XIRP2: variants seen among roughly 807,000 people sequenced by gnomAD.
XIRP2 encodes xin actin-binding repeat-containing protein 2.
In XIRP2, 236 loss-of-function variants were observed where a neutral mutation model predicts 277.0. That is an observed-to-expected ratio of 0.85 (90% CI 0.77 to 0.95). The LOEUF (loss-of-function observed/expected upper bound fraction) is 0.95. Among genes scored for constraint, XIRP2 ranks in the 40% least tolerant of loss-of-function variants. The pLI is 0.00. For missense variants in XIRP2, 4,640 were observed against 4,157.5 expected, an observed-to-expected ratio of 1.12 and a Z score of -3.19; for synonymous variants, 1,490 against 1,416.5, an observed-to-expected ratio of 1.05 and a Z score of -1.17.
intron 3 of XIRP2, among the ~76,000 whole-genome samples, chr2:167,155,297 G>A (rs575715303): frequency 2.4e-4 from 37 of 151,810 alleles, no homozygotes; most frequent in African/African-American, 8.0e-4. Flanking sequence ...CAACCAAAAA[G>A]GAGAATTTTA....
chr2:167,226,909 G>T (rs1156472360), intron 5 of XIRP2, among the ~76,000 whole-genome samples: 1 of 152,144 alleles, frequency 6.6e-6, no homozygotes. Flanking sequence ...GAATCCCAGT[G>T]GGAACTCTGA....
intron 2 of XIRP2, among the ~76,000 whole-genome samples, chr2:167,054,552 T>C (rs1558963135): frequency 6.6e-6 from 1 of 152,022 alleles, no homozygotes; most frequent in Non-Finnish European, 1.5e-5. Flanking sequence ...GGCGTGTTGG[T>C]GTACCCCTGT....
intron 2 of XIRP2, among the ~76,000 whole-genome samples, chr2:167,125,653 A>G (rs2105308404): frequency 6.6e-6 from 1 of 152,340 alleles, no homozygotes; most frequent in African/African-American, 2.4e-5. Flanking sequence ...TTTAAGGACT[A>G]CATTTCCTCA....
At chr2:167,221,369 A>G (rs1193575761) in intron 5 of XIRP2, among the ~76,000 whole-genome samples, 1 of 150,242 alleles carries the variant, frequency 6.7e-6, no homozygotes, top group Non-Finnish European at 1.5e-5. Context: ...AGGCTGAGGC[A>G]GAATAGCTTG....
At chr2:166,914,823 C>G (rs1684818375) in intron 2 of XIRP2, among the ~76,000 whole-genome samples, 1 of 152,018 alleles carries the variant, frequency 6.6e-6, no homozygotes, top group South Asian at 2.1e-4. Flanking sequence ...AAAGTCAGGT[C>G]TTTGATTTTT....
At chr2:167,188,600 G>A (rs1370290346) in intron 3 of XIRP2, among the ~76,000 whole-genome samples, 1 of 152,190 alleles carries the variant, frequency 6.6e-6, no homozygotes, top group African/African-American at 2.4e-5. Flanking sequence ...AAATTATTGA[G>A]TGGCAAAACT....
Position 167,250,980 on chromosome 2 carries a change from C to A in XIRP2, c.9588C>A (p.Ala3196=). 6.2e-7 allele frequency: 1 copy of A among 1,613,686 alleles called. No individual in the cohort carries two copies. Among genetic ancestry groups the A allele is most frequent in the East Asian group, 2.2e-5 (1 of 44,838 alleles). ...KDTTAKLSKG[A]IPCPAATPVP... The stretch of plus-strand genomic sequence containing the variant: ...CCACTGCAAAGTTATCCAAAGGGGC[C>A]ATCCCATGTCCAGCAGCAACCCCGG... The change falls in exon 9 of 11, where the codon GCC becomes GCA. Residue 3196 remains alanine (A), a synonymous_variant. Transcript: ENST00000409195.
At chr2:167,235,721 C>T (rs182266587) in intron 5 of XIRP2, among the ~76,000 whole-genome samples, 2 of 151,978 alleles carry the variant, frequency 1.3e-5, no homozygotes, top group African/African-American at 4.8e-5. Context: ...TGAGCTAAGT[C>T]TTTAAGAGGG....
At chr2:166,962,059 T>G (rs971445522) in intron 2 of XIRP2, among the ~76,000 whole-genome samples, 3 of 151,602 alleles carry the variant, frequency 2.0e-5, no homozygotes, top group African/African-American at 7.3e-5. Flanking sequence ...GGAAGAGATA[T>G]TTTGTTGGTC....
intron 2 of XIRP2, among the ~76,000 whole-genome samples, chr2:167,114,963 A>C (rs990210253): frequency 1.3e-5 from 2 of 152,134 alleles, no homozygotes; most frequent in Non-Finnish European, 2.9e-5. Flanking sequence ...TATACCCAGT[A>C]ATGGGATGTC....
chr2:167,109,751 T>C (rs1298157032), intron 2 of XIRP2, among the ~76,000 whole-genome samples: 2 of 151,784 alleles, frequency 1.3e-5, no homozygotes, highest in African/African-American at 2.4e-5. Flanking sequence ...GGGAAAGCCA[T>C]TGCTTTCTAC....
rs1694186756 is a variant in XIRP2 at position 167,214,519 on chromosome 2, GTGTAATGTAGTCTGT to G, written c.723+3626_724-3631del. Among the ~76,000 whole-genome samples the G allele has an allele frequency of 2.0e-5, 3 of 150,776 alleles. No individual in the cohort carries two copies. The South Asian group carries it at 6.3e-4, about 32-fold the overall frequency. ...AAATCAACTGTATGAATTTTTGCAT[GTGTAATGTAGTCTGT>G]TTCTAAAGCGCAGGAAAGTAATGGG... On this transcript the variant is annotated intron_variant, in intron 4 of 10. Coordinates refer to ENST00000409195, the MANE Select transcript of XIRP2 (RefSeq NM_152381.6).
intron 2 of XIRP2, among the ~76,000 whole-genome samples, chr2:167,020,709 G>A (rs956296733): frequency 4.0e-5 from 6 of 151,824 alleles, no homozygotes; most frequent in African/African-American, 1.4e-4. Context: ...GCTGGCTGAT[G>A]ATTTATTATA....
intron 4 of XIRP2, 67 bp downstream of exon 4, chr2:167,210,962 A>G: frequency 6.3e-7 from 1 of 1,575,650 alleles, no homozygotes. Context: ...CCCTCTTTAT[A>G]TTTGAAATGT....
chr2:166,956,000 A>T (rs899977050), intron 2 of XIRP2, among the ~76,000 whole-genome samples: 1 of 151,736 alleles, frequency 6.6e-6, no homozygotes, highest in South Asian at 2.1e-4. Context: ...CAGTAATCTC[A>T]TTAGGTTTGA....
chr2:167,215,613 C>A (rs1336488106), intron 4 of XIRP2, among the ~76,000 whole-genome samples: 1 of 152,110 alleles, frequency 6.6e-6, no homozygotes, highest in East Asian at 1.9e-4. Context: ...CTCCTGGGTC[C>A]CCAGTTACTT....
At chr2:167,010,658 G>T (rs143352653) in intron 2 of XIRP2, among the ~76,000 whole-genome samples, 5,783 of 151,996 alleles carry the variant, frequency 0.038, 130 homozygotes, top group East Asian at 0.061. Context: ...AATTACCTTG[G>T]GCAGTATGGC....
intron 3 of XIRP2, among the ~76,000 whole-genome samples, chr2:167,153,573 A>C (rs1422247215): frequency 3.4e-5 from 5 of 147,218 alleles, no homozygotes; most frequent in South Asian, 2.2e-4. Flanking sequence ...CCCACCCCAC[A>C]ACAGTCCCCA....
intron 3 of XIRP2, among the ~76,000 whole-genome samples, chr2:167,164,284 C>CAAA (rs368415759): frequency 0.098 from 13,880 of 141,758 alleles, 693 homozygotes; most frequent in South Asian, 0.15. Flanking sequence ...ACTAAAAATA[C>CAAA]AAAAAAAAAA....
Sources: gnomAD v4.1 joint callset for allele counts (sites outside exome capture counted in the v4.1 genomes callset) on GRCh38, gnomAD v4.1.1 for gene constraint, MANE v1.5 for transcripts, NCBI Gene and HGNC (gene_info 2026-07-23, HGNC 2026-07-21) for gene names.